NDST4: variants seen among roughly 807,000 people sequenced by gnomAD.
The protein encoded by NDST4 is N-heparan sulfate sulfotransferase 4.
A neutral mutation model predicts 100.8 loss-of-function variants in NDST4; 63 were observed. The observed-to-expected ratio is 0.62, with a 90% CI of 0.51 to 0.77. The LOEUF is 0.77. Among genes scored for constraint, NDST4 ranks in the 30% least tolerant of loss-of-function variants. The probability of loss-of-function intolerance (pLI) is 0.00; values close to 1 mark genes in which losing one functional copy is unlikely to be tolerated. For synonymous variants in NDST4, 377 were observed against 361.8 expected (o/e 1.04, Z -0.48); for missense variants, 943 against 1,018.4 (o/e 0.93, Z 1.01).
chr4:114,989,983 C>T (rs1054432103), intron 2 of NDST4, among the ~76,000 whole-genome samples: 11 of 152,042 alleles, frequency 7.2e-5, no homozygotes, highest in East Asian at 1.9e-4. Flanking sequence ...TTGACTTCAT[C>T]GGCATAAATC....
At chr4:114,895,205 T>G (rs1416193934) in intron 6 of NDST4, among the ~76,000 whole-genome samples, 1 of 151,706 alleles carries the variant, frequency 6.6e-6, no homozygotes, top group African/African-American at 2.4e-5. Context: ...AGGAGCTGGG[T>G]TTTTGAAAAA....
intron 11 of NDST4, among the ~76,000 whole-genome samples, chr4:114,835,163 T>G (rs1723283192): frequency 1.3e-5 from 2 of 152,148 alleles, no homozygotes; most frequent in Non-Finnish European, 2.9e-5. Context: ...TTCTGCTAGC[T>G]TTTGAATTTG....
intron 6 of NDST4, among the ~76,000 whole-genome samples, chr4:114,885,182 C>T (rs1724452794): frequency 6.6e-6 from 1 of 152,082 alleles, no homozygotes; most frequent in South Asian, 2.1e-4. Flanking sequence ...ACATGAATAA[C>T]ATTGTGAACA....
chr4:114,961,052 G>A (rs1049795346), intron 4 of NDST4, among the ~76,000 whole-genome samples: 3 of 152,024 alleles, frequency 2.0e-5, no homozygotes, highest in African/African-American at 7.2e-5. Flanking sequence ...AAAAGCCACT[G>A]TGAAATTGAA....
Position 115,076,955 on chromosome 4 carries a change from T to A in NDST4, c.82A>T (p.Ile28Phe). The A allele has an allele frequency of 6.2e-7, 1 of 1,613,534 alleles. No individual in the cohort carries two copies. The highest frequency in any genetic ancestry group is 8.5e-7 in the Non-Finnish European group (1 of 1,179,740). The change falls in exon 2 of 14, where the codon ATT becomes TTT. Residue 28 changes from isoleucine to phenylalanine, a missense_variant. Physicochemically the swap from Ile to Phe is conservative, Grantham distance 21. This residue lies in a region of NDST4 where 417 missense variants were observed against 384.2 expected (regional missense o/e 1.09). Coordinates refer to ENST00000264363, the MANE Select transcript of NDST4 (RefSeq NM_022569.3). ...LATFCLVSIV[I>F]SAYFLYSGYK... ...CCAGAGTAGAGAAAATAGGCAGAAA[T>A]GACAATGCTCACCAAGCAAAAGGTA...
chr4:115,060,958 TAAAC>T (rs1369520126), intron 2 of NDST4, among the ~76,000 whole-genome samples: 5 of 152,066 alleles, frequency 3.3e-5, no homozygotes, highest in Admixed American at 6.6e-5. Context: ...ATAAAGGACT[TAAAC>T]AAATTTACAA....
chr4:114,852,561 G>T (rs1479716950), intron 8 of NDST4, among the ~76,000 whole-genome samples, 164 bp downstream of exon 8: 1 of 152,084 alleles, frequency 6.6e-6, no homozygotes, highest in Non-Finnish European at 1.5e-5. Context: ...TGAGGTTCAT[G>T]GTATAAATGC....
chr4:115,026,705 G>T (rs1727994023), intron 2 of NDST4, among the ~76,000 whole-genome samples: 1 of 150,802 alleles, frequency 6.6e-6, no homozygotes, highest in African/African-American at 2.4e-5. Context: ...CGGGGGCTGG[G>T]GGGAATTGAC....
At chr4:114,876,437 G>A (rs1724255541) in intron 6 of NDST4, among the ~76,000 whole-genome samples, 1 of 152,030 alleles carries the variant, frequency 6.6e-6, no homozygotes, top group African/African-American at 2.4e-5. Context: ...GTAATTTTGT[G>A]TCTTTATTTT....
At chr4:115,107,444 G>A (rs916717307) in intron 1 of NDST4, among the ~76,000 whole-genome samples, 33 of 151,236 alleles carry the variant, frequency 2.2e-4, no homozygotes, top group Non-Finnish European at 3.4e-4. Context: ...CAGCTTGTCA[G>A]CTTGCACATT....
At position 115,076,463 on chromosome 4, in the gene NDST4, C is replaced by T; in HGVS notation, c.574G>A (p.Asp192Asn). 1 of 1,613,842 alleles carries T rather than the reference C, an allele frequency of 6.2e-7. No homozygotes were observed. The highest frequency in any genetic ancestry group is 1.7e-4 in the Middle Eastern group (1 of 6,060). ...GGAGATTGAGGGTTAACAAAACAGTCCTTTAGAGCTAGATTATTGAAAAGG... is the reference window on the plus strand; with the variant it reads ...GGAGATTGAGGGTTAACAAAACAGTTCTTTAGAGCTAGATTATTGAAAAGG... Reference protein sequence around the residue: ...LNLFNNLALKDCFVNPQSPLL... With the variant: ...LNLFNNLALKNCFVNPQSPLL... The change falls in exon 2 of 14, where the codon GAC becomes AAC. Residue 192 changes from aspartate (D) to asparagine (N), a missense_variant. This residue lies in a region of NDST4 where 417 missense variants were observed against 384.2 expected (regional missense o/e 1.09). Coordinates refer to ENST00000264363, the MANE Select transcript of NDST4 (RefSeq NM_022569.3).
intron 6 of NDST4, among the ~76,000 whole-genome samples, chr4:114,924,041 T>A (rs1191323640): frequency 6.6e-6 from 1 of 152,104 alleles, no homozygotes; most frequent in African/African-American, 2.4e-5. Flanking sequence ...ATTAGAAAGA[T>A]ATATGTCTAC....
chr4:115,041,713 G>A (rs1461435073), intron 2 of NDST4, among the ~76,000 whole-genome samples: 1 of 151,242 alleles, frequency 6.6e-6, no homozygotes, highest in Non-Finnish European at 1.5e-5. Flanking sequence ...CCAGAATTTG[G>A]TGTTTTCCAT....
intron 2 of NDST4, among the ~76,000 whole-genome samples, chr4:115,055,290 G>A (rs970294631): frequency 6.6e-5 from 10 of 152,114 alleles, no homozygotes; most frequent in African/African-American, 2.2e-4. Flanking sequence ...AATAATAATA[G>A]AAATGAAGTG....
At chr4:114,897,908 G>T (rs1387556449) in intron 6 of NDST4, among the ~76,000 whole-genome samples, 1 of 152,048 alleles carries the variant, frequency 6.6e-6, no homozygotes, top group Non-Finnish European at 1.5e-5. Flanking sequence ...TTAAAATCTG[G>T]TTGTTTCTTT....
At chr4:114,845,442 C>T (rs1194907202) in intron 10 of NDST4, among the ~76,000 whole-genome samples, 1 of 152,140 alleles carries the variant, frequency 6.6e-6, no homozygotes, top group African/African-American at 2.4e-5. Context: ...CGATATTTTA[C>T]TTATTTATTA....
At position 115,010,286 on chromosome 4, in the gene NDST4, C is replaced by A. The variant is rs1255764862; in HGVS notation, c.979-33012G>T. On this transcript the variant is annotated intron_variant, in intron 2 of 13. Coordinates refer to ENST00000264363, the MANE Select transcript of NDST4 (RefSeq NM_022569.3). ...CAATAGCAAAGACTTGGAACCAACC[C>A]AAATGTCCAACAGTGATAGACTGGA... is the stretch of plus-strand genomic sequence containing the variant. Among the ~76,000 whole-genome samples, 3 of 125,572 alleles carry A rather than the reference C, an allele frequency of 2.4e-5. 1 individual carries two copies. Among genetic ancestry groups the A allele is most frequent in the African/African-American group, 9.2e-5 (3 of 32,704 alleles). 82.4% of individuals were successfully genotyped at this position (125,572 alleles called of 152,430 possible).
chr4:115,022,464 C>CATATATATGTTCCAT (rs1727875264), intron 2 of NDST4, among the ~76,000 whole-genome samples: 4 of 112,422 alleles, frequency 3.6e-5, no homozygotes, highest in African/African-American at 1.8e-4. Context: ...ATATGTGTTC[C>CATATATATGTTCCAT]ATATATATGT....
intron 2 of NDST4, among the ~76,000 whole-genome samples, chr4:115,029,089 G>T (rs1471822114): frequency 6.6e-6 from 1 of 152,028 alleles, no homozygotes; most frequent in East Asian, 1.9e-4. Flanking sequence ...CTTAGTCAGG[G>T]TGCAGCAATC....
Sources: gnomAD v4.1 joint callset for allele counts (sites outside exome capture counted in the v4.1 genomes callset) on GRCh38, gnomAD v4.1.1 for gene constraint, gnomAD v4.1.1 regional missense constraint, MANE v1.5 for transcripts, NCBI Gene and HGNC (gene_info 2026-07-23, HGNC 2026-07-21) for gene names.